The following DOCK3 variants were observed in gnomAD, a reference collection of about 807,000 sequenced individuals.
The protein encoded by DOCK3 is dedicator of cytokinesis protein 3.
A neutral mutation model predicts 265.6 loss-of-function variants in DOCK3; 60 were observed. The ratio of observed to expected loss-of-function variants is 0.23; its 90% CI spans 0.18 to 0.28. DOCK3 has a LOEUF of 0.28. DOCK3 is among the 10% of genes least tolerant of loss of function. DOCK3 has a pLI of 1.00. For synonymous variants in DOCK3, 881 were observed against 938.0 expected (o/e 0.94, Z 1.11); for missense variants, 1,981 against 2,594.3 (o/e 0.76, Z 5.14).
intron 1 of DOCK3, among the ~76,000 whole-genome samples, chr3:50,698,105 C>T (rs1399005150): frequency 1.3e-5 from 2 of 152,036 alleles, no homozygotes; most frequent in African/African-American, 4.8e-5. Context: ...GTTGTGCCTC[C>T]ATCACCAGTA....
intron 51 of DOCK3, among the ~76,000 whole-genome samples, chr3:51,379,271 C>A (rs957676123): frequency 6.6e-6 from 1 of 152,230 alleles, no homozygotes; most frequent in Non-Finnish European, 1.5e-5. Context: ...AATCCCTGGC[C>A]ACTCTCCCCT....
intron 3 of DOCK3, among the ~76,000 whole-genome samples, chr3:50,870,547 C>T (rs954939679): frequency 6.6e-5 from 10 of 151,932 alleles, no homozygotes; most frequent in African/African-American, 2.4e-4. Flanking sequence ...TTGGGTTTTG[C>T]GTTTTCGTTT....
At chr3:51,341,513 T>C in intron 38 of DOCK3, 128 bp downstream of exon 38, 1 of 1,318,676 alleles carries the variant, frequency 7.6e-7, no homozygotes, top group East Asian at 2.5e-5. Context: ...GGTGCCTATC[T>C]ATGTGCCTAA....
chr3:51,096,284 G>C (rs1413593634), intron 9 of DOCK3, among the ~76,000 whole-genome samples: 1 of 151,932 alleles, frequency 6.6e-6, no homozygotes, highest in East Asian at 1.9e-4. Flanking sequence ...TCAAACATAG[G>C]TTTGGTTTTT....
chr3:51,346,859 T>C (rs1252665071), intron 38 of DOCK3, among the ~76,000 whole-genome samples: 4 of 152,224 alleles, frequency 2.6e-5, no homozygotes, highest in South Asian at 4.1e-4. Flanking sequence ...TATCTCACTG[T>C]GGTTTTGATT....
chr3:51,151,444 A>C (rs2085589121), intron 10 of DOCK3, among the ~76,000 whole-genome samples: 1 of 152,226 alleles, frequency 6.6e-6, no homozygotes, highest in Non-Finnish European at 1.5e-5. Flanking sequence ...GGTCACCAGC[A>C]TCAAAGACCA....
In DOCK3 at chr3:51,343,537, G is replaced by A. The variant is rs149103430; in HGVS notation, c.3915+2152G>A. ...TTAGAATGAACAAGGACAAAAAGTA[G>A]TAGAAGAGAAGTGATTGGATTTCAG... On this transcript the variant is annotated intron_variant, in intron 38 of 52. Transcript: ENST00000266037. Among the ~76,000 whole-genome samples the A allele has an allele frequency of 3.8e-3, 582 of 152,326 alleles. 5 individuals carry two copies. The highest frequency in any genetic ancestry group is 0.01 in the Middle Eastern group (3 of 294).
intron 1 of DOCK3, among the ~76,000 whole-genome samples, chr3:50,686,046 A>T (rs2034775287): frequency 1.3e-5 from 2 of 152,132 alleles, no homozygotes; most frequent in South Asian, 4.1e-4. Context: ...ATTCAAGTGC[A>T]TTACATTTAT....
chr3:51,269,414 G>A (rs1235754495), intron 23 of DOCK3, among the ~76,000 whole-genome samples: 6 of 151,956 alleles, frequency 3.9e-5, no homozygotes, highest in Non-Finnish European at 8.8e-5. Flanking sequence ...AGCTGCCAAT[G>A]ATATGTTTTG....
chr3:51,089,059 C>G (rs763989243), intron 7 of DOCK3, among the ~76,000 whole-genome samples, 184 bp from the exon 8 acceptor site: 1 of 152,158 alleles, frequency 6.6e-6, no homozygotes, highest in East Asian at 1.9e-4. Flanking sequence ...CAGCAAATTA[C>G]GTCCATACTC....
At chr3:51,177,944 C>G (rs1194798385) in intron 12 of DOCK3, among the ~76,000 whole-genome samples, 1 of 150,474 alleles carries the variant, frequency 6.6e-6, no homozygotes, top group Admixed American at 6.6e-5. Flanking sequence ...TAGCCGAGAT[C>G]ATGCCACTGC....
intron 23 of DOCK3, among the ~76,000 whole-genome samples, chr3:51,263,408 C>T (rs1229505439): frequency 1.3e-5 from 2 of 152,132 alleles, no homozygotes; most frequent in Non-Finnish European, 2.9e-5. Flanking sequence ...CTTACAAGAG[C>T]TCCTGAAGGA....
intron 4 of DOCK3, among the ~76,000 whole-genome samples, chr3:50,932,953 G>A (rs2051150391): frequency 6.6e-6 from 1 of 152,158 alleles, no homozygotes; most frequent in Non-Finnish European, 1.5e-5. Flanking sequence ...ACAGTTCCAC[G>A]TGGCTAGGGA....
At chr3:51,132,226 C>A (rs2084589847) in intron 9 of DOCK3, among the ~76,000 whole-genome samples, 1 of 152,204 alleles carries the variant, frequency 6.6e-6, no homozygotes. Flanking sequence ...ATAAATTCAG[C>A]CTGACCCAAC....
chr3:50,858,980 T>C (rs2046764339), intron 3 of DOCK3, among the ~76,000 whole-genome samples: 1 of 152,160 alleles, frequency 6.6e-6, no homozygotes, highest in Non-Finnish European at 1.5e-5. Context: ...AATTCTTGTA[T>C]TGTGTTATTC....
intron 12 of DOCK3, among the ~76,000 whole-genome samples, chr3:51,178,216 A>G (rs932181073): frequency 3.3e-5 from 5 of 152,190 alleles, no homozygotes; most frequent in Admixed American, 2.0e-4. Flanking sequence ...GTGTCATGTC[A>G]GGAGTATCAG....
chr3:50,946,131 G>A (rs2108276438), intron 5 of DOCK3, among the ~76,000 whole-genome samples: 1 of 145,312 alleles, frequency 6.9e-6, no homozygotes, highest in African/African-American at 2.5e-5. Flanking sequence ...TTATAACTGT[G>A]CCTTGTGCAT....
intron 3 of DOCK3, among the ~76,000 whole-genome samples, chr3:50,885,364 G>GTTTTTT (rs62977761): frequency 7.7e-6 from 1 of 129,606 alleles, no homozygotes. Context: ...TTTGTATGCA[G>GTTTTTT]TTTTTTTTTT....
chr3:51,229,540 A>G lies in DOCK3; in HGVS notation c.1848A>G (p.Lys616=), dbSNP rs2090460193. ...NVDLLALLKW[K]AFPDRIMDVL... ...ACCTCCTAGCTCTGCTGAAGTGGAA[A>G]GCCTTCCCCGACCGGATCATGGATG... The change falls in exon 19 of 53, where the codon AAA becomes AAG. Residue 616 remains lysine (K), a synonymous_variant. Coordinates refer to ENST00000266037, the MANE Select transcript of DOCK3 (RefSeq NM_004947.5). 5 of 1,607,320 alleles carry G rather than the reference A, an allele frequency of 3.1e-6. No homozygotes were observed. The Admixed American group carries it at 6.8e-5, about 22-fold the overall frequency.
Sources: gnomAD v4.1 joint callset for allele counts (sites outside exome capture counted in the v4.1 genomes callset) on GRCh38, gnomAD v4.1.1 for gene constraint, MANE v1.5 for transcripts, NCBI Gene and HGNC (gene_info 2026-07-23, HGNC 2026-07-21) for gene names.